ADGRV1: variants seen among roughly 807,000 people sequenced by gnomAD.
ADGRV1 encodes the protein G-protein coupled receptor 98.
ADGRV1 carries 359 observed loss-of-function variants against 596.2 expected under a neutral mutation model. The ratio of observed to expected loss-of-function variants is 0.60; its 90% CI spans 0.55 to 0.66. ADGRV1 has a LOEUF of 0.66. Among genes scored for constraint, ADGRV1 ranks in the 30% least tolerant of loss-of-function variants. The pLI, the probability that ADGRV1 is intolerant of heterozygous loss-of-function variation, is 0.00. For synonymous variants in ADGRV1, 2,681 were observed against 2,679.2 expected (o/e 1.00, Z -0.02); for missense variants, 7,274 against 7,575.6 (o/e 0.96, Z 1.48).
intron 19 of ADGRV1, among the ~76,000 whole-genome samples, 186 bp downstream of exon 19, chr5:90,652,749 T>C (rs1484633547): frequency 2.0e-5 from 3 of 152,180 alleles, no homozygotes; most frequent in African/African-American, 7.2e-5. Context: ...ATTCACTTTT[T>C]TGATATCTTA....
At chr5:91,048,863 A>T (rs2151300421) in intron 85 of ADGRV1, among the ~76,000 whole-genome samples, 1 of 152,328 alleles carries the variant, frequency 6.6e-6, no homozygotes, top group Non-Finnish European at 1.5e-5. Flanking sequence ...CGCAAAAAAG[A>T]TACAGCTTTT....
At position 90,711,066 on chromosome 5, in the gene ADGRV1, C is replaced by A; in HGVS notation, c.8903+7C>A. On this transcript the variant is annotated splice_region_variant and intron_variant, in intron 40 of 89. Transcript: ENST00000405460. ...TTGAATGGCAACAAAGCAGGTAAGG[C>A]CAAGGCTGCATGAGAGCCCTCTTCT... The A allele has an allele frequency of 6.2e-7, 1 of 1,604,440 alleles. No individual in the cohort carries two copies. Among genetic ancestry groups the A allele is most frequent in the Non-Finnish European group, 8.5e-7 (1 of 1,173,824 alleles).
At chr5:90,669,607 C>T (rs1021212230) in intron 21 of ADGRV1, among the ~76,000 whole-genome samples, 2 of 152,096 alleles carry the variant, frequency 1.3e-5, no homozygotes, top group African/African-American at 4.8e-5. Context: ...AGGATTGCAG[C>T]TTGTGTGTTA....
At position 91,138,273 on chromosome 5, in the gene ADGRV1, A is replaced by G. The variant is rs558576197; in HGVS notation, c.18433-11757A>G. On this transcript the variant is annotated intron_variant, in intron 87 of 89. Coordinates refer to ENST00000405460, the MANE Select transcript of ADGRV1 (RefSeq NM_032119.4). ...AACCTTCTGTAGAAATTGTAATTTT[A>G]CAAAAGTTTATATCCAAGCTGGAGT... is the stretch of plus-strand genomic sequence containing the variant. Among the ~76,000 whole-genome samples the G allele has an allele frequency of 7.3e-5, 11 of 151,118 alleles. No individual in the cohort carries two copies. In the South Asian group the frequency reaches 1.0e-3, roughly 14 times the overall value.
chr5:90,749,317 T>A (rs1754989856), intron 52 of ADGRV1, among the ~76,000 whole-genome samples: 1 of 152,256 alleles, frequency 6.6e-6, no homozygotes, highest in Non-Finnish European at 1.5e-5. Flanking sequence ...ATTTTCTGGC[T>A]GCATGAAGTG....
At chr5:90,946,239 G>A (rs1168853179) in intron 83 of ADGRV1, among the ~76,000 whole-genome samples, 8 of 151,992 alleles carry the variant, frequency 5.3e-5, no homozygotes, top group African/African-American at 1.9e-4. Flanking sequence ...GTGAGTAATG[G>A]GCACAGTGGT....
intron 1 of ADGRV1, among the ~76,000 whole-genome samples, chr5:90,565,801 A>G (rs1755561221): frequency 6.6e-6 from 1 of 152,134 alleles, no homozygotes; most frequent in Admixed American, 6.5e-5. Context: ...GTATATGCCC[A>G]CCAGCAATGT....
At chr5:90,741,633 T>A (rs1753972520) in intron 50 of ADGRV1, among the ~76,000 whole-genome samples, 1 of 152,160 alleles carries the variant, frequency 6.6e-6, no homozygotes, top group African/African-American at 2.4e-5. Context: ...TTTAAAGATT[T>A]AAAAAATATA....
At chr5:90,724,298 C>T (rs974218703) in intron 45 of ADGRV1, among the ~76,000 whole-genome samples, 4 of 151,866 alleles carry the variant, frequency 2.6e-5, no homozygotes, top group South Asian at 2.1e-4. Flanking sequence ...GGCACTATCT[C>T]GGCTCACTAC....
chr5:90,777,497 TG>T (rs1402958657), intron 61 of ADGRV1, among the ~76,000 whole-genome samples: 1 of 152,184 alleles, frequency 6.6e-6, no homozygotes, highest in Non-Finnish European at 1.5e-5. Context: ...TTTATCCTCA[TG>T]GTAGTTATCC....
At chr5:91,130,901 T>C (rs1013591706) in intron 87 of ADGRV1, among the ~76,000 whole-genome samples, 3 of 152,218 alleles carry the variant, frequency 2.0e-5, no homozygotes, top group Admixed American at 6.5e-5. Flanking sequence ...ATTAATTTGG[T>C]TAAGATAGTG....
chr5:91,005,533 A>T (rs1782199295), intron 85 of ADGRV1, among the ~76,000 whole-genome samples: 3 of 151,926 alleles, frequency 2.0e-5, no homozygotes, highest in Admixed American at 1.3e-4. Flanking sequence ...TAGAGACAGG[A>T]TTTCACTGTG....
intron 83 of ADGRV1, among the ~76,000 whole-genome samples, chr5:90,921,357 G>T (rs183138227): frequency 4.9e-4 from 75 of 152,008 alleles, no homozygotes; most frequent in Non-Finnish European, 8.5e-4. Flanking sequence ...GTTTCTGGGG[G>T]TCTTGTAATT....
chr5:90,890,084 A>G (rs188929404), intron 83 of ADGRV1, among the ~76,000 whole-genome samples: 74 of 152,286 alleles, frequency 4.9e-4, no homozygotes, highest in Admixed American at 1.7e-3. Flanking sequence ...GAAAAAAGGA[A>G]TCCCTTTCTT....
At chr5:90,792,469 A>C (rs1033129402) in intron 70 of ADGRV1, 3 of 152,222 alleles carry the variant, frequency 2.0e-5, no homozygotes, top group Non-Finnish European at 4.4e-5. Context: ...GGGTCTTCTT[A>C]GTGAGACATG....
chr5:90,887,992 A>G (rs984330257), intron 83 of ADGRV1, among the ~76,000 whole-genome samples: 2 of 152,198 alleles, frequency 1.3e-5, no homozygotes, highest in Admixed American at 6.5e-5. Flanking sequence ...GCATTTCCCT[A>G]CAGAGTCTAA....
chr5:91,112,665 G>A (rs535070556), intron 87 of ADGRV1, among the ~76,000 whole-genome samples: 2 of 152,098 alleles, frequency 1.3e-5, no homozygotes, highest in East Asian at 1.9e-4. Flanking sequence ...TTACTCAAAT[G>A]TTGGGGTGGG....
chr5:90,672,140 C>G (rs893070219), intron 21 of ADGRV1, among the ~76,000 whole-genome samples: 1 of 152,146 alleles, frequency 6.6e-6, no homozygotes, highest in Admixed American at 6.5e-5. Flanking sequence ...CCCATTTGGT[C>G]TGTCTGTGCT....
intron 75 of ADGRV1, among the ~76,000 whole-genome samples, chr5:90,817,404 G>A (rs1048015189): frequency 3.2e-4 from 48 of 151,292 alleles, no homozygotes; most frequent in African/African-American, 1.2e-3. Context: ...CTGTGCAGAA[G>A]CTCTTTAGTT....
Sources: allele counts gnomAD v4.1 joint callset (sites outside exome capture counted in the v4.1 genomes callset), GRCh38; gene constraint gnomAD v4.1.1; transcripts MANE v1.5; gene names NCBI Gene and HGNC (gene_info 2026-07-23, HGNC 2026-07-21).